Variants in KIAA0753 observed in about 807,000 individuals in gnomAD.
The protein encoded by KIAA0753 is protein moonraker.
KIAA0753 carries 114 observed loss-of-function variants against 116.9 expected under a neutral mutation model. The observed-to-expected ratio is 0.98, with a 90% CI of 0.84 to 1.14. KIAA0753 has a LOEUF of 1.14. KIAA0753 is among the 50% of genes most tolerant of loss of function. The probability of loss-of-function intolerance (pLI) is 0.00; values close to 1 mark genes in which losing one functional copy is unlikely to be tolerated. For synonymous variants in KIAA0753, 405 were observed against 413.1 expected, an observed-to-expected ratio of 0.98 and a Z score of 0.24; for missense variants, 1,156 against 1,172.4, an observed-to-expected ratio of 0.99 and a Z score of 0.20.
chr17:6,623,366 A>G, intron 5 of KIAA0753, 143 bp downstream of exon 5: 2 of 705,500 alleles, frequency 2.8e-6, no homozygotes, highest in Non-Finnish European at 4.7e-6. Context: ...TATTCAGAAT[A>G]TGTAAGGTGC....
intron 18 of KIAA0753, among the ~76,000 whole-genome samples, chr17:6,586,200 G>A (rs747317120): frequency 6.6e-6 from 1 of 152,106 alleles, no homozygotes; most frequent in South Asian, 2.1e-4. Context: ...ATGACGGTAC[G>A]TTTCCTGAGG....
In KIAA0753 at chr17:6,606,884, G is replaced by T. The variant is rs753052400; in HGVS notation, c.1998C>A (p.Leu666=). The T allele has an allele frequency of 5.6e-6, 9 of 1,613,152 alleles. No homozygotes were observed. Among genetic ancestry groups the T allele is most frequent in the Non-Finnish European group, 5.9e-6 (7 of 1,179,230 alleles). ...NELKAEEMYR[L]QQLSVSATHL... ...AAGCAAACACATACCTCAATTGTTGGAGTCTATACATTTCTTCAGCTTTGA... is the reference window on the plus strand; with the variant it reads ...AAGCAAACACATACCTCAATTGTTGTAGTCTATACATTTCTTCAGCTTTGA... The change falls in exon 12 of 19, where the codon CTC becomes CTA. Residue 666 remains leucine, a synonymous_variant. Transcript: ENST00000361413.
chr17:6,619,020 G>C (rs887319292), intron 7 of KIAA0753, among the ~76,000 whole-genome samples: 10 of 152,160 alleles, frequency 6.6e-5, no homozygotes, highest in African/African-American at 2.4e-4. Flanking sequence ...CTTGAGGTCA[G>C]GAGTTCAAGA....
chr17:6,621,064 A>T, intron 6 of KIAA0753, 66 bp from the exon 7 acceptor site: 1 of 1,472,130 alleles, frequency 6.8e-7, no homozygotes, highest in Non-Finnish European at 9.3e-7. Flanking sequence ...TAATCACAAA[A>T]CTGAAAATAA....
Position 6,612,004 on chromosome 17 carries a change from G to A in KIAA0753, c.1460C>T (p.Ala487Val). 1.9e-6 allele frequency: 3 copies of A among 1,614,100 alleles called. No individual in the cohort carries two copies. The highest frequency in any genetic ancestry group is 2.5e-6 in the Non-Finnish European group (3 of 1,180,018). Residue 487 changes from alanine to valine, a missense_variant, in exon 8 of 19, where the codon GCA becomes GTA. Physicochemically the swap from Ala to Val is moderately conservative, Grantham distance 64. Transcript: ENST00000361413. ...ASFKDEVLAVAKTKAGKKKPV... is the reference protein window; with the variant it reads ...ASFKDEVLAVVKTKAGKKKPV... Reference sequence around the variant, plus strand: ...CTTCTTTTTCCCTGCTTTTGTTTTTGCCACGGCTAACACCTCGTCTTTGAA... The same window carrying A: ...CTTCTTTTTCCCTGCTTTTGTTTTTACCACGGCTAACACCTCGTCTTTGAA...
intron 16 of KIAA0753, among the ~76,000 whole-genome samples, chr17:6,592,812 A>G (rs1969168480): frequency 6.6e-6 from 1 of 152,304 alleles, no homozygotes; most frequent in African/African-American, 2.4e-5. Flanking sequence ...TTGATGTTAG[A>G]CTTTATCAAA....
chr17:6,602,380 A>G lies in KIAA0753; in HGVS notation c.2010-1922T>C, dbSNP rs962971809. 2.4e-4 allele frequency among the ~76,000 whole-genome samples: 36 copies of G among 152,252 alleles called. 1 individual carries two copies. The highest frequency in any genetic ancestry group is 1.3e-4 in the Admixed American group (2 of 15,292). The stretch of plus-strand genomic sequence containing the variant: ...GGGAAAGCCCAAATGTCAATTCACA[A>G]GAGAATGAACAAACAGAATGTGGTA... On this transcript the variant is annotated intron_variant, in intron 12 of 18. Transcript: ENST00000361413.
At position 6,612,133 on chromosome 17, in the gene KIAA0753, T is replaced by C. The variant is rs1387048050; in HGVS notation, c.1331A>G (p.Asp444Gly). 4 of 1,609,282 alleles carry C rather than the reference T, an allele frequency of 2.5e-6. No individual in the cohort carries two copies. Among genetic ancestry groups the C allele is most frequent in the Admixed American group, 1.7e-5 (1 of 58,340 alleles). Residue 444 changes from aspartate to glycine, a missense_variant, in exon 8 of 19, where the codon GAT becomes GGT. Physicochemically the swap from Asp to Gly is moderately conservative, Grantham distance 94. Transcript: ENST00000361413. Reference sequence around the variant, plus strand: ...CCTCTGGGTCTCCGGAAGCTCCGTATCGGGCTGATACTTATCTACATGGAA... The same window carrying C: ...CCTCTGGGTCTCCGGAAGCTCCGTACCGGGCTGATACTTATCTACATGGAA... ...KQLLADKYQP[D>G]TELPETQRLQ...
chr17:6,609,726 A>C (rs1301006928), intron 9 of KIAA0753, among the ~76,000 whole-genome samples: 1 of 152,220 alleles, frequency 6.6e-6, no homozygotes, highest in African/African-American at 2.4e-5. Context: ...AAGTGAAGGG[A>C]AGCCCCCCAT....
At position 6,606,928 on chromosome 17, in the gene KIAA0753, T is replaced by C; in HGVS notation, c.1954A>G (p.Thr652Ala). ...GCTTTGAGCTCATTCAGTTCCTTTG[T>C]TCTTCTAGAAGTTTCAGCATCAAGC... is the stretch of plus-strand genomic sequence containing the variant. Reference protein sequence around the residue: ...DWLDAETSRRTKELNELKAEE... With the variant: ...DWLDAETSRRAKELNELKAEE... Residue 652 changes from threonine (T) to alanine (A), a missense_variant, in exon 12 of 19, where the codon ACA (threonine) becomes GCA (alanine). Coordinates refer to ENST00000361413, the MANE Select transcript of KIAA0753 (RefSeq NM_014804.3). 1 of 1,614,182 alleles carries C rather than the reference T, an allele frequency of 6.2e-7. No individual in the cohort carries two copies. The highest frequency in any genetic ancestry group is 2.2e-5 in the East Asian group (1 of 44,878).
intron 8 of KIAA0753, among the ~76,000 whole-genome samples, chr17:6,611,466 A>AC (rs1970541408): frequency 6.6e-6 from 1 of 151,948 alleles, no homozygotes; most frequent in Non-Finnish European, 1.5e-5. Context: ...ACATCTGGCT[A>AC]ATTTTGTTTT....
chr17:6,602,132 G>A (rs572911807), intron 12 of KIAA0753, among the ~76,000 whole-genome samples: 1 of 152,324 alleles, frequency 6.6e-6, no homozygotes, highest in East Asian at 1.9e-4. Flanking sequence ...TAGCAAGGAT[G>A]TGAAACCAAT....
chr17:6,616,765 G>A lies in KIAA0753; in HGVS notation c.1315+4023C>T, dbSNP rs190758373. Among the ~76,000 whole-genome samples the A allele has an allele frequency of 1.2e-3, 186 of 152,352 alleles. 1 individual carries two copies. The highest frequency in any genetic ancestry group is 3.9e-3 in the African/African-American group (161 of 41,578). ...CGCTTGAACTCAGGAGGCGGGGGTTGCAGTGAGCTGAGATCGTGCCACTGC... is the reference window on the plus strand; with the variant it reads ...CGCTTGAACTCAGGAGGCGGGGGTTACAGTGAGCTGAGATCGTGCCACTGC... On this transcript the variant is annotated intron_variant, in intron 7 of 18. Coordinates refer to ENST00000361413, the MANE Select transcript of KIAA0753 (RefSeq NM_014804.3).
chr17:6,585,666 G>A (rs1296693944), intron 18 of KIAA0753, among the ~76,000 whole-genome samples: 1 of 152,078 alleles, frequency 6.6e-6, no homozygotes, highest in Non-Finnish European at 1.5e-5. Flanking sequence ...TAATTTCTAA[G>A]AACTTTCTTT....
intron 15 of KIAA0753, among the ~76,000 whole-genome samples, 175 bp from the exon 16 acceptor site, chr17:6,595,228 T>C (rs935143657): frequency 3.3e-5 from 5 of 152,144 alleles, no homozygotes; most frequent in Admixed American, 2.0e-4. Context: ...TAAAATAAAA[T>C]GAAGCAATTA....
chr17:6,612,456 C>T (rs1970615943), intron 7 of KIAA0753, among the ~76,000 whole-genome samples: 1 of 152,172 alleles, frequency 6.6e-6, no homozygotes, highest in African/African-American at 2.4e-5. Flanking sequence ...TTGCTATTAC[C>T]CAAGGTCAGG....
intron 2 of KIAA0753, among the ~76,000 whole-genome samples, chr17:6,633,256 A>G (rs180763504): frequency 7.9e-4 from 120 of 152,378 alleles, no homozygotes; most frequent in African/African-American, 2.7e-3. Context: ...AAGAGTATCC[A>G]GGAATTCTGT....
At chr17:6,629,433 A>C (rs1412201165) in intron 2 of KIAA0753, among the ~76,000 whole-genome samples, 2 of 152,244 alleles carry the variant, frequency 1.3e-5, no homozygotes, top group East Asian at 3.8e-4. Context: ...TTAATATTAA[A>C]CATTTAGATT....
At chr17:6,623,618 T>C (rs1302100044) in intron 4 of KIAA0753, 47 bp from the exon 5 acceptor site, 2 of 1,580,550 alleles carry the variant, frequency 1.3e-6, no homozygotes, top group Non-Finnish European at 1.7e-6. Context: ...TTTCCATTGA[T>C]CTTTTTTGTA....
Sources: gnomAD v4.1 joint callset for allele counts (sites outside exome capture counted in the v4.1 genomes callset) on GRCh38, gnomAD v4.1.1 for gene constraint, MANE v1.5 for transcripts, NCBI Gene and HGNC (gene_info 2026-07-23, HGNC 2026-07-21) for gene names.